The following HOMER3 variants were observed in gnomAD, a reference collection of about 807,000 sequenced individuals.
HOMER3 encodes the protein homer protein homolog 3.
HOMER3 carries 34 observed loss-of-function variants against 45.5 expected under a neutral mutation model. The observed-to-expected ratio is 0.75, with a 90% confidence interval of 0.57 to 1.00. HOMER3 has a LOEUF of 1.00. Ranked by LOEUF, HOMER3 falls within the 50% of genes least tolerant of loss-of-function variation. The pLI, the probability that HOMER3 is intolerant of heterozygous loss-of-function variation, is 0.00. For missense variants in HOMER3, 480 were observed against 497.5 expected (o/e 0.96, Z 0.33); for synonymous variants, 223 against 208.8 (o/e 1.07, Z -0.58).
At chr19:18,938,707 C>G in intron 3 of HOMER3, 21 bp downstream of exon 3, 1 of 1,567,362 alleles carries the variant, frequency 6.4e-7, no homozygotes, top group Non-Finnish European at 8.7e-7. Flanking sequence ...TGCCTCTGCC[C>G]CACCCAGACC....
chr19:18,940,384 C>T (rs1405886673), intron 1 of HOMER3: 1 of 152,264 alleles, frequency 6.6e-6, no homozygotes, highest in Non-Finnish European at 1.5e-5. Flanking sequence ...CCGACACCGC[C>T]CGGTGCCCGG....
intron 3 of HOMER3, 63 bp from the exon 4 acceptor site, chr19:18,938,547 A>G: frequency 6.4e-7 from 1 of 1,574,100 alleles, no homozygotes; most frequent in Non-Finnish European, 8.7e-7. Context: ...GAAACCCCCC[A>G]GGTATTACCT....
intron 9 of HOMER3, among the ~76,000 whole-genome samples, chr19:18,930,249 CA>C (rs35747460): frequency 2.7e-3 from 252 of 93,720 alleles, no homozygotes; most frequent in Middle Eastern, 9.4e-3. Context: ...GACTCCATCT[CA>C]AAAAAAAAAA....
chr19:18,940,742 C>T (rs2145138462), intron 1 of HOMER3: 1 of 152,352 alleles, frequency 6.6e-6, no homozygotes, highest in African/African-American at 2.4e-5. Context: ...CCTCCAGTCC[C>T]TGGGTCCGGG....
Position 18,941,201 on chromosome 19 carries a change from GCGC to G in HOMER3, c.-221_-219del. On this transcript the variant is annotated 5_prime_UTR_variant, in exon 1 of 10. Transcript: ENST00000392351. ...CTCCACGCCGCCCGTGCCTTTGTCT[GCGC>G]CGCCGCCGCCCGCGCCGCCTCCGGT... 1 of 147,932 alleles carries G rather than the reference GCGC, an allele frequency of 6.8e-6. No homozygotes were observed. The highest frequency in any genetic ancestry group is 2.0e-4 in the East Asian group (1 of 5,094). The allele number at this position is 147,932 out of a possible 1,614,324, so 9.2% of individuals were successfully genotyped here.
chr19:18,939,229 C>T, intron 1 of HOMER3, 180 bp from the exon 2 acceptor site: 1 of 495,212 alleles, frequency 2.0e-6, no homozygotes. Context: ...CCTTTGAGCC[C>T]AGGAGTTCGA....
At chr19:18,938,258 G>T in intron 4 of HOMER3, 95 bp downstream of exon 4, 2 of 1,383,772 alleles carry the variant, frequency 1.4e-6, no homozygotes, top group South Asian at 2.8e-5. Flanking sequence ...CAGATGGGAA[G>T]ATAGGGGACC....
In HOMER3 at chr19:18,929,651, G is replaced by A. The variant is rs779779893; in HGVS notation, c.895-17C>T. 9 of 1,487,254 alleles carry A rather than the reference G, an allele frequency of 6.1e-6. No homozygotes were observed. In the South Asian group the frequency reaches 1.2e-4, roughly 19 times the overall value. The allele number at this position is 1,487,254 out of a possible 1,614,324, so 92.1% of individuals were successfully genotyped here. A position where few individuals can be genotyped will look rare whatever the true frequency, so the allele number is the denominator to read the frequency against. ...CTCCAGGTCCTGCCAGGAAAGGGTG[G>A]GCAGGGTTGGGGGCCCCAACAAATC... On this transcript the variant is annotated splice_polypyrimidine_tract_variant and intron_variant, in intron 9 of 9. Coordinates refer to ENST00000392351, the MANE Select transcript of HOMER3 (RefSeq NM_004838.4).
chr19:18,929,315 CGG>C lies in HOMER3; in HGVS notation c.*126_*127del. On this transcript the variant is annotated 3_prime_UTR_variant, in exon 10 of 10. Transcript: ENST00000392351. ...GACTGGGGCCCACCCCAGCCCAGCC[CGG>C]CCCGGCCCACCCAGGGCTAAGTTGG... The C allele has an allele frequency of 9.1e-7, 1 of 1,096,580 alleles. No individual in the cohort carries two copies. The highest frequency in any genetic ancestry group is 1.4e-6 in the Non-Finnish European group (1 of 721,984). 67.9% of individuals were successfully genotyped at this position (1,096,580 alleles called of 1,614,324 possible). A position where few individuals can be genotyped will look rare whatever the true frequency, so the allele number is the denominator to read the frequency against.
chr19:18,935,616 A>C (rs1356537365), intron 4 of HOMER3, among the ~76,000 whole-genome samples: 1 of 152,190 alleles, frequency 6.6e-6, no homozygotes, highest in African/African-American at 2.4e-5. Flanking sequence ...AAATGTTTAC[A>C]TGTTTACATT....
intron 1 of HOMER3, 34 bp from the exon 2 acceptor site, chr19:18,939,083 AG>A: frequency 1.0e-5 from 13 of 1,246,194 alleles, no homozygotes; most frequent in African/African-American, 3.0e-5. Context: ...AGTGTCCCTC[AG>A]GCCAGGCTGA....
chr19:18,939,103 A>G, intron 1 of HOMER3, 54 bp from the exon 2 acceptor site: 1 of 1,025,944 alleles, frequency 9.7e-7, no homozygotes, highest in East Asian at 2.6e-5. Context: ...GAGGGAGGCC[A>G]AGCAGGTTCC....
chr19:18,935,726 A>G (rs1601282370), intron 4 of HOMER3, among the ~76,000 whole-genome samples: 1 of 152,210 alleles, frequency 6.6e-6, no homozygotes, highest in Non-Finnish European at 1.5e-5. Flanking sequence ...TTAGTTTAAA[A>G]ATAATTTTTT....
rs545186459 is a variant in HOMER3 at position 18,936,313 on chromosome 19, C to CAAAAA, written c.304-1908_304-1904dup. Among the ~76,000 whole-genome samples the CAAAAA allele has an allele frequency of 6.2e-4, 76 of 122,080 alleles. 2 individuals carry two copies. Among genetic ancestry groups the CAAAAA allele is most frequent in the Non-Finnish European group, 8.0e-4 (47 of 58,612 alleles). 80.1% of individuals were successfully genotyped at this position (122,080 alleles called of 152,430 possible). ...GGGGGACAAGAGTGAAACTCTGTCTCAAAAAAATAAATAAATAAATAAATA... is the reference window on the plus strand; with the variant it reads ...GGGGGACAAGAGTGAAACTCTGTCTCAAAAAAAAAAAATAAATAAATAAATAAATA... On this transcript the variant is annotated intron_variant, in intron 4 of 9. Coordinates refer to ENST00000392351, the MANE Select transcript of HOMER3 (RefSeq NM_004838.4).
chr19:18,929,635 C>T lies in HOMER3; in HGVS notation c.895-1G>A, dbSNP rs2057008420. 3 of 1,507,598 alleles carry T rather than the reference C, an allele frequency of 2.0e-6. No homozygotes were observed. The highest frequency in any genetic ancestry group is 1.4e-5 in the African/African-American group (1 of 71,948). The allele number at this position is 1,507,598 out of a possible 1,614,324, so 93.4% of individuals were successfully genotyped here. The stretch of plus-strand genomic sequence containing the variant: ...ACTCCGCATTGCGGGTCTCCAGGTC[C>T]TGCCAGGAAAGGGTGGGCAGGGTTG... On this transcript the variant is annotated splice_acceptor_variant, in intron 9 of 9. Coordinates refer to ENST00000392351, the MANE Select transcript of HOMER3 (RefSeq NM_004838.4). LOFTEE classifies it high-confidence loss of function.
intron 4 of HOMER3, among the ~76,000 whole-genome samples, chr19:18,934,864 G>GT (rs1021383752): frequency 1.8e-4 from 21 of 114,104 alleles, no homozygotes; most frequent in African/African-American, 5.6e-4. Flanking sequence ...CCCTTTTCCT[G>GT]TTTTTTGTTT....
intron 4 of HOMER3, among the ~76,000 whole-genome samples, chr19:18,936,297 G>A (rs1300676977): frequency 6.8e-6 from 1 of 147,818 alleles, no homozygotes; most frequent in Non-Finnish European, 1.5e-5. Context: ...TGGGGGACAA[G>A]AGTGAAACTC....
intron 5 of HOMER3, 56 bp from the exon 6 acceptor site, chr19:18,933,101 ATGTGAC>A: frequency 7.0e-7 from 1 of 1,423,460 alleles, no homozygotes; most frequent in Non-Finnish European, 9.2e-7. Context: ...ATCAAGGCTG[ATGTGAC>A]TGGGGTCGTC....
At position 18,931,977 on chromosome 19, in the gene HOMER3, C is replaced by T. The variant is rs1415580637; in HGVS notation, c.689G>A (p.Arg230Gln). The change falls in exon 7 of 10, where the codon CGG becomes CAG. Residue 230 changes from arginine to glutamine, a missense_variant and splice_region_variant. Physicochemically the swap from Arg to Gln is conservative, Grantham distance 43. Transcript: ENST00000392351. The stretch of plus-strand genomic sequence containing the variant: ...TCTCGGAGGGAGGGGTGCCCTCACC[C>T]GCTGCCGCAGCCGCTCGGCCTCTGC... ...QRAEAERLRQRVAELEAQAAS... is the reference protein window; with the variant it reads ...QRAEAERLRQQVAELEAQAAS... 4.6e-6 allele frequency: 7 copies of T among 1,526,114 alleles called. No individual in the cohort carries two copies. The highest frequency in any genetic ancestry group is 2.8e-5 in the African/African-American group (2 of 72,278). The allele number at this position is 1,526,114 out of a possible 1,614,324, so 94.5% of individuals were successfully genotyped here.
Sources: gnomAD v4.1 joint callset for allele counts (sites outside exome capture counted in the v4.1 genomes callset) on GRCh38, gnomAD v4.1.1 for gene constraint, MANE v1.5 for transcripts, NCBI Gene and HGNC (gene_info 2026-07-23, HGNC 2026-07-21) for gene names.